PKN2: variants seen among roughly 807,000 people sequenced by gnomAD.
PKN2 encodes serine/threonine-protein kinase N2.
In PKN2, 38 loss-of-function variants were observed where a neutral mutation model predicts 119.1. The observed-to-expected ratio is 0.32, with a 90% CI of 0.25 to 0.42. The LOEUF is 0.42. Ranked by LOEUF, PKN2 falls within the 10% of genes least tolerant of loss-of-function variation. The pLI is 1.00. For missense variants in PKN2, 850 were observed against 1,165.1 expected, an observed-to-expected ratio of 0.73 and a Z score of 3.94; for synonymous variants, 390 against 384.9, an observed-to-expected ratio of 1.01 and a Z score of -0.15.
rs1209485714 is a variant in PKN2, at chr1:88,832,726, C to G, written c.2563-18C>G. ...GCCTTAAAACTTGCTTTAACTTACT[C>G]AAAGGTATTTCTTCTAGTCTCCCTT... On this transcript the variant is annotated intron_variant, in intron 19 of 21. Coordinates refer to ENST00000370521, the MANE Select transcript of PKN2 (RefSeq NM_006256.4). 3 of 1,441,388 alleles carry G rather than the reference C, an allele frequency of 2.1e-6. No homozygotes were observed. The highest frequency in any genetic ancestry group is 2.9e-6 in the Non-Finnish European group (3 of 1,036,286). The allele number at this position is 1,441,388 out of a possible 1,614,324, so 89.3% of individuals were successfully genotyped here.
rs574986856 is a variant in PKN2 at position 88,750,233 on chromosome 1, T to C, written c.349+8945T>C. Among the ~76,000 whole-genome samples the C allele has an allele frequency of 2.6e-5, 4 of 152,250 alleles. No homozygotes were observed. In the East Asian group the frequency reaches 7.7e-4, roughly 29 times the overall value. ...TAAAGTCTGAGGAGGCTTTCCTGGG[T>C]CTGAGAAGTAAAGACTCAAGAATTA... On this transcript the variant is annotated intron_variant, in intron 2 of 21. Coordinates refer to ENST00000370521, the MANE Select transcript of PKN2 (RefSeq NM_006256.4).
chr1:88,774,291 A>G (rs1670003237), intron 6 of PKN2, among the ~76,000 whole-genome samples: 1 of 152,206 alleles, frequency 6.6e-6, no homozygotes, highest in African/African-American at 2.4e-5. Flanking sequence ...GATTGAGTGA[A>G]TCATTGGCCA....
At chr1:88,787,336 G>A (rs1327106086) in intron 8 of PKN2, among the ~76,000 whole-genome samples, 1 of 152,186 alleles carries the variant, frequency 6.6e-6, no homozygotes, top group East Asian at 1.9e-4. Context: ...AAAATGACTA[G>A]CTAGGAGATT....
chr1:88,757,440 T>C (rs1300667823), intron 2 of PKN2, among the ~76,000 whole-genome samples: 2 of 152,212 alleles, frequency 1.3e-5, no homozygotes, highest in Non-Finnish European at 2.9e-5. Context: ...TATTTTTAGA[T>C]TAATTAACAA....
chr1:88,702,490 G>T (rs983670428), intron 1 of PKN2, among the ~76,000 whole-genome samples: 5 of 151,982 alleles, frequency 3.3e-5, no homozygotes, highest in African/African-American at 9.7e-5. Flanking sequence ...TGATATATTT[G>T]CTGGTTCTAA....
rs535537745 is a variant in PKN2 at position 88,700,614 on chromosome 1, A to G, written c.48+15986A>G. Among the ~76,000 whole-genome samples, 8 of 152,294 alleles carry G rather than the reference A, an allele frequency of 5.3e-5. No individual in the cohort carries two copies. The South Asian group carries it at 8.3e-4, about 16-fold the overall frequency. On this transcript the variant is annotated intron_variant, in intron 1 of 21. Transcript: ENST00000370521. The stretch of plus-strand genomic sequence containing the variant: ...CATTAGATCATTCCCTTTTTGTCCA[A>G]TCACGTTACGGCTGTCCATACTTTG...
chr1:88,783,075 T>G (rs901635215), intron 6 of PKN2, among the ~76,000 whole-genome samples: 6 of 152,210 alleles, frequency 3.9e-5, no homozygotes, highest in Non-Finnish European at 8.8e-5. Flanking sequence ...AATTGAGATT[T>G]TCAAGCCTGG....
chr1:88,736,791 T>C (rs1668366053), intron 1 of PKN2, among the ~76,000 whole-genome samples: 1 of 152,214 alleles, frequency 6.6e-6, no homozygotes, highest in African/African-American at 2.4e-5. Context: ...TATTGTGTTC[T>C]TTGAGCCCTT....
chr1:88,815,346 G>A (rs922523785), intron 16 of PKN2: 1 of 244,108 alleles, frequency 4.1e-6, no homozygotes, highest in African/African-American at 2.4e-5. Context: ...TCAGATCAAA[G>A]GTCATTTCTT....
At chr1:88,800,315 G>T (rs1557620492) in intron 8 of PKN2, among the ~76,000 whole-genome samples, 1 of 152,144 alleles carries the variant, frequency 6.6e-6, no homozygotes, top group Non-Finnish European at 1.5e-5. Flanking sequence ...AATACTGAGA[G>T]AAAACGTAAT....
At chr1:88,770,541 T>A in intron 4 of PKN2, 72 bp downstream of exon 4, 2 of 804,286 alleles carry the variant, frequency 2.5e-6, no homozygotes, top group East Asian at 4.9e-5. Context: ...AACAGGGCAG[T>A]GGTTCAAAGT....
intron 4 of PKN2, among the ~76,000 whole-genome samples, chr1:88,770,696 CT>C (rs1490039408): frequency 4.5e-4 from 68 of 151,318 alleles, no homozygotes; most frequent in Non-Finnish European, 8.3e-4. Flanking sequence ...CGCCATTCTC[CT>C]GCCTCAGCCT....
rs1165404830 is a variant in PKN2, at chr1:88,741,131, A to G, written c.192A>G (p.Glu64=). Residue 64 remains glutamate, a synonymous_variant, in exon 2 of 22, where the codon GAA becomes GAG. Transcript: ENST00000370521. ...REIRKELKIK[E]GAENLRKVTT... ...TAAGGAAAGAACTGAAAATCAAAGA[A>G]GGAGCTGAAAATCTGAGGAAAGTCA... 5 of 1,613,048 alleles carry G rather than the reference A, an allele frequency of 3.1e-6. No homozygotes were observed. The South Asian group carries it at 5.5e-5, about 18-fold the overall frequency.
At chr1:88,751,272 A>T (rs1668982325) in intron 2 of PKN2, among the ~76,000 whole-genome samples, 1 of 151,982 alleles carries the variant, frequency 6.6e-6, no homozygotes, top group Non-Finnish European at 1.5e-5. Flanking sequence ...TATGTTTGAA[A>T]ATGTTCATAT....
At chr1:88,703,793 A>G (rs973087495) in intron 1 of PKN2, among the ~76,000 whole-genome samples, 1 of 152,170 alleles carries the variant, frequency 6.6e-6, no homozygotes, top group African/African-American at 2.4e-5. Context: ...CAGGTTAGAA[A>G]AATGAGACCC....
intron 1 of PKN2, among the ~76,000 whole-genome samples, chr1:88,712,222 T>C (rs901180103): frequency 2.6e-5 from 4 of 152,150 alleles, no homozygotes; most frequent in African/African-American, 9.6e-5. Context: ...CACCAACTTA[T>C]GGAAAGAGTA....
rs1222773849 is a variant in PKN2 at position 88,813,589 on chromosome 1, T to C, written c.2135T>C (p.Val712Ala). 2 of 1,599,314 alleles carry C rather than the reference T, an allele frequency of 1.3e-6. No individual in the cohort carries two copies. Among genetic ancestry groups the C allele is most frequent in the Admixed American group, 3.5e-5 (2 of 57,164 alleles). Residue 712 changes from valine (V) to alanine (A), a missense_variant, in exon 16 of 22, where the codon GTG becomes GCG. Coordinates refer to ENST00000370521, the MANE Select transcript of PKN2 (RefSeq NM_006256.4). The stretch of plus-strand genomic sequence containing the variant: ...TGTGAAAAAAGAATTTTTGAAACTG[T>C]GAATAGTGTAAGGCATCCCTTTTTG... Reference protein sequence around the residue: ...LMCEKRIFETVNSVRHPFLVN... With the variant: ...LMCEKRIFETANSVRHPFLVN...
chr1:88,804,035 A>G (rs755412548), intron 8 of PKN2, among the ~76,000 whole-genome samples: 1 of 152,208 alleles, frequency 6.6e-6, no homozygotes, highest in Non-Finnish European at 1.5e-5. Flanking sequence ...AACATAGCAC[A>G]TGATGGCAAA....
rs908968943 is a variant in PKN2, at chr1:88,787,614, A to G, written c.1281+1401A>G. On this transcript the variant is annotated intron_variant, in intron 8 of 21. Coordinates refer to ENST00000370521, the MANE Select transcript of PKN2 (RefSeq NM_006256.4). Reference sequence around the variant, plus strand: ...AGATGAAGAGTGCCTGGAAGAGATAATATGGTTTTAAATTACCTAAACTAC... The same window carrying G: ...AGATGAAGAGTGCCTGGAAGAGATAGTATGGTTTTAAATTACCTAAACTAC... 2.6e-5 allele frequency among the ~76,000 whole-genome samples: 4 copies of G among 152,216 alleles called. No individual in the cohort carries two copies. In the East Asian group the frequency reaches 7.7e-4, roughly 29 times the overall value.
Sources: gnomAD v4.1 joint callset for allele counts (sites outside exome capture counted in the v4.1 genomes callset) on GRCh38, gnomAD v4.1.1 for gene constraint, MANE v1.5 for transcripts, NCBI Gene and HGNC (gene_info 2026-07-23, HGNC 2026-07-21) for gene names.